The following ATXN7 variants were observed in gnomAD, a reference collection of about 807,000 sequenced individuals.
ATXN7 encodes the protein ataxin 7.
ATXN7 carries 12 observed loss-of-function variants against 70.5 expected under a neutral mutation model. The ratio of observed to expected loss-of-function variants is 0.17; its 90% CI spans 0.11 to 0.28. The LOEUF (loss-of-function observed/expected upper bound fraction) is 0.28, where lower values mean the gene tolerates loss of function less well. Among genes scored for constraint, ATXN7 ranks in the 10% least tolerant of loss-of-function variants. The pLI, the probability that ATXN7 is intolerant of heterozygous loss-of-function variation, is 1.00. For synonymous variants in ATXN7, 498 were observed against 448.7 expected (o/e 1.11, Z -1.39); for missense variants, 1,256 against 1,131.7 (o/e 1.11, Z -1.58).
intron 8 of ATXN7, among the ~76,000 whole-genome samples, chr3:63,985,091 A>G (rs2075552915): frequency 6.6e-6 from 1 of 152,200 alleles, no homozygotes; most frequent in Non-Finnish European, 1.5e-5. Context: ...TTCAGTGAAC[A>G]TAGGAGTTCT....
At chr3:63,928,384 T>C (rs1183356269) in intron 4 of ATXN7, among the ~76,000 whole-genome samples, 1 of 150,216 alleles carries the variant, frequency 6.7e-6, no homozygotes. Flanking sequence ...CAAATCCTTA[T>C]AGCTATGTGG....
intron 5 of ATXN7, among the ~76,000 whole-genome samples, chr3:63,953,774 C>T (rs1284480932): frequency 6.6e-6 from 1 of 151,850 alleles, no homozygotes; most frequent in East Asian, 1.9e-4. Context: ...CTTCAGTCTC[C>T]TGAGTAGCTG....
chr3:63,924,928 C>T (rs1264926601), intron 4 of ATXN7, among the ~76,000 whole-genome samples: 3 of 152,096 alleles, frequency 2.0e-5, no homozygotes, highest in Non-Finnish European at 2.9e-5. Flanking sequence ...TGTTTGTCTG[C>T]CACTGGGAAT....
chr3:63,882,174 G>A lies in ATXN7; in HGVS notation c.-110-16225G>A, dbSNP rs558989289. Reference sequence around the variant, plus strand: ...TGCTGCTGTTACTGTTTTCCTTTGGGGACAGATTCCCTAACCCAGATGGAT... The same window carrying A: ...TGCTGCTGTTACTGTTTTCCTTTGGAGACAGATTCCCTAACCCAGATGGAT... On this transcript the variant is annotated intron_variant, in intron 1 of 12. Coordinates refer to ENST00000674280, the MANE Select transcript of ATXN7 (RefSeq NM_001377405.1). 3.3e-5 allele frequency among the ~76,000 whole-genome samples: 5 copies of A among 152,100 alleles called. No homozygotes were observed. In the East Asian group the frequency reaches 9.7e-4, roughly 29 times the overall value.
intron 5 of ATXN7, among the ~76,000 whole-genome samples, chr3:63,960,366 G>C (rs1421313441): frequency 6.6e-6 from 1 of 152,176 alleles, no homozygotes; most frequent in Non-Finnish European, 1.5e-5. Flanking sequence ...AATCAGGATT[G>C]GACGGCGCAG....
intron 5 of ATXN7, among the ~76,000 whole-genome samples, chr3:63,974,758 T>G (rs1322920885): frequency 6.6e-6 from 1 of 152,200 alleles, no homozygotes; most frequent in South Asian, 2.1e-4. Context: ...AAGGTGAGAT[T>G]TCTCATCAGC....
intron 1 of ATXN7, among the ~76,000 whole-genome samples, chr3:63,896,683 G>C (rs1417178023): frequency 1.3e-5 from 2 of 152,158 alleles, no homozygotes; most frequent in Non-Finnish European, 2.9e-5. Context: ...CTAAAGAAAG[G>C]CTCTTGACCC....
intron 5 of ATXN7, among the ~76,000 whole-genome samples, chr3:63,963,651 T>A (rs2075168536): frequency 6.6e-6 from 1 of 152,206 alleles, no homozygotes; most frequent in African/African-American, 2.4e-5. Flanking sequence ...CAACAATACC[T>A]CATGTAAATC....
intron 5 of ATXN7, chr3:63,968,222 G>A: frequency 2.3e-6 from 1 of 438,128 alleles, no homozygotes; most frequent in Non-Finnish European, 4.1e-6. Flanking sequence ...GGTAATCGCA[G>A]CCACAGGGAT....
Position 63,988,114 on chromosome 3 carries a change from T to C in ATXN7, c.1151T>C (p.Val384Ala). ...CAGGGTAGAAGAAAACGATTTGATGTGTTATTAGCCGAGCACAAAAACAAA... is the reference window on the plus strand; with the variant it reads ...CAGGGTAGAAGAAAACGATTTGATGCGTTATTAGCCGAGCACAAAAACAAA... Reference protein sequence around the residue: ...AVQGRRKRFDVLLAEHKNKTR... With the variant: ...AVQGRRKRFDALLAEHKNKTR... The change falls in exon 9 of 13, where the codon GTG becomes GCG. Residue 384 changes from valine to alanine, a missense_variant. By Grantham distance (64) the Val-to-Ala change is moderately conservative. Transcript: ENST00000674280. The C allele has an allele frequency of 4.3e-6, 7 of 1,614,164 alleles. No individual in the cohort carries two copies. The highest frequency in any genetic ancestry group is 5.9e-6 in the Non-Finnish European group (7 of 1,180,042).
intron 1 of ATXN7, among the ~76,000 whole-genome samples, chr3:63,884,192 A>C (rs1375765395): frequency 7.1e-6 from 1 of 141,412 alleles, no homozygotes; most frequent in African/African-American, 2.6e-5. Context: ...GAAAGTAAGA[A>C]AATAACATGC....
chr3:63,912,706 G>A lies in ATXN7; in HGVS notation c.108G>A (p.Gln36=), dbSNP rs1440400044. The change falls in exon 3 of 13, where the codon CAG becomes CAA. Residue 36 remains glutamine, a synonymous_variant. Coordinates refer to ENST00000674280, the MANE Select transcript of ATXN7 (RefSeq NM_001377405.1). ...AAARQQQQQQ[Q]QQQPPPPQPQ... ...CCCGGCAGCAGCAGCAGCAGCAGCA[G>A]CAGCAGCAGCCGCCGCCTCCGCAGC... The A allele has an allele frequency of 4.2e-5, 50 of 1,197,042 alleles. No individual in the cohort carries two copies. Among genetic ancestry groups the A allele is most frequent in the Non-Finnish European group, 5.1e-5 (49 of 956,464 alleles). The allele number at this position is 1,197,042 out of a possible 1,614,324, so 74.2% of individuals were successfully genotyped here.
intron 4 of ATXN7, among the ~76,000 whole-genome samples, chr3:63,950,425 C>T (rs2074934238): frequency 6.6e-6 from 1 of 152,126 alleles, no homozygotes; most frequent in African/African-American, 2.4e-5. Context: ...TAAACTAACA[C>T]TGTTTATTTA....
intron 1 of ATXN7, among the ~76,000 whole-genome samples, chr3:63,870,333 T>A (rs1326994051): frequency 6.6e-6 from 1 of 152,210 alleles, no homozygotes; most frequent in Non-Finnish European, 1.5e-5. Flanking sequence ...ATTTGCAGAA[T>A]CCTTGCCTAG....
intron 2 of ATXN7, chr3:63,902,023 C>T (rs1410049594): frequency 6.6e-6 from 1 of 151,974 alleles, no homozygotes; most frequent in Non-Finnish European, 1.5e-5. Flanking sequence ...TACAGGGTTT[C>T]CTTTTGGAGT....
upstream of ATXN7, chr3:63,863,546 C>T (rs1035077911): frequency 1.7e-6 from 2 of 1,194,570 alleles, no homozygotes; most frequent in Admixed American, 4.5e-5. Flanking sequence ...ACGGGGAAAG[C>T]CGAGGGTCTC....
intron 4 of ATXN7, among the ~76,000 whole-genome samples, chr3:63,934,495 T>C (rs930069065): frequency 6.6e-6 from 1 of 152,152 alleles, no homozygotes; most frequent in Admixed American, 6.5e-5. Context: ...GAGATGTTCT[T>C]GGTGAGAGGC....
At chr3:63,973,290 A>T (rs1323870534) in intron 5 of ATXN7, among the ~76,000 whole-genome samples, 2 of 152,154 alleles carry the variant, frequency 1.3e-5, no homozygotes, top group African/African-American at 4.8e-5. Context: ...AGCAGTCCTG[A>T]GCCTCTGCTG....
At chr3:63,926,501 C>T (rs543579666) in intron 4 of ATXN7, among the ~76,000 whole-genome samples, 14 of 152,118 alleles carry the variant, frequency 9.2e-5, no homozygotes, top group African/African-American at 3.1e-4. Flanking sequence ...CAGCAGGGGG[C>T]GGAGTGGCTG....
Sources: gnomAD v4.1 joint callset for allele counts (sites outside exome capture counted in the v4.1 genomes callset) on GRCh38, gnomAD v4.1.1 for gene constraint, MANE v1.5 for transcripts, NCBI Gene and HGNC (gene_info 2026-07-23, HGNC 2026-07-21) for gene names.